MYO16: variants seen among roughly 807,000 people sequenced by gnomAD.
MYO16 encodes unconventional myosin-XVI.
In MYO16, 94 loss-of-function variants were observed where a neutral mutation model predicts 205.3. The ratio of observed to expected loss-of-function variants is 0.46; its 90% CI spans 0.39 to 0.54. MYO16 has a LOEUF of 0.54. MYO16 is among the 20% of genes least tolerant of loss of function. The probability of loss-of-function intolerance (pLI) is 0.00; values close to 1 mark genes in which losing one functional copy is unlikely to be tolerated. For synonymous variants in MYO16, 988 were observed against 954.0 expected, an observed-to-expected ratio of 1.04 and a Z score of -0.66; for missense variants, 2,315 against 2,387.5, an observed-to-expected ratio of 0.97 and a Z score of 0.63.
At chr13:108,799,811 C>T (rs183623272) in intron 6 of MYO16, among the ~76,000 whole-genome samples, 40 of 152,184 alleles carry the variant, frequency 2.6e-4, no homozygotes, top group Non-Finnish European at 4.7e-4. Context: ...ACTATTTTTC[C>T]TCTTGGCGCT....
chr13:108,781,284 G>A (rs1047696381), intron 4 of MYO16, among the ~76,000 whole-genome samples: 2 of 152,312 alleles, frequency 1.3e-5, no homozygotes, highest in African/African-American at 2.4e-5. Context: ...TTTAGCAGTC[G>A]ATATTTGAAC....
rs149484362 is a variant in MYO16, at chr13:108,976,022, AAG to A, written c.2369+11126_2369+11127del. ...CCCTTAACATTCCAGGAATCATGGT[AAG>A]AGAGAATATGCAATGTTTCTCAGTT... On this transcript the variant is annotated intron_variant, in intron 20 of 34. Transcript: ENST00000457511. 7.2e-5 allele frequency among the ~76,000 whole-genome samples: 11 copies of A among 152,312 alleles called. No homozygotes were observed. The East Asian group carries it at 1.5e-3, about 21-fold the overall frequency.
At chr13:108,787,358 G>C (rs1886489529) in intron 5 of MYO16, among the ~76,000 whole-genome samples, 1 of 152,102 alleles carries the variant, frequency 6.6e-6, no homozygotes, top group African/African-American at 2.4e-5. Flanking sequence ...TTTTTAAAAA[G>C]TACTTGACCA....
At chr13:108,716,960 T>C (rs1255639231) in intron 3 of MYO16, among the ~76,000 whole-genome samples, 1 of 152,162 alleles carries the variant, frequency 6.6e-6, no homozygotes. Context: ...ATATGGCAGG[T>C]ATCAGGTACT....
intron 2 of MYO16, among the ~76,000 whole-genome samples, chr13:108,710,951 A>G (rs939138105): frequency 2.0e-5 from 3 of 152,260 alleles, no homozygotes; most frequent in Non-Finnish European, 4.4e-5. Flanking sequence ...GCTGTCTATC[A>G]TCTGAGGAAA....
At chr13:108,615,827 T>C (rs779679810) in intron 1 of MYO16, among the ~76,000 whole-genome samples, 1 of 152,168 alleles carries the variant, frequency 6.6e-6, no homozygotes, top group Non-Finnish European at 1.5e-5. Context: ...AACTAGCTCA[T>C]CTACAACTGT....
intron 12 of MYO16, among the ~76,000 whole-genome samples, chr13:108,870,265 A>G (rs778189808): frequency 7.9e-5 from 12 of 151,942 alleles, no homozygotes; most frequent in Non-Finnish European, 7.4e-5. Flanking sequence ...TTGATGTTTT[A>G]TCCTTTTCTT....
At chr13:108,963,705 A>T (rs1182659387) in intron 19 of MYO16, among the ~76,000 whole-genome samples, 1 of 152,242 alleles carries the variant, frequency 6.6e-6, no homozygotes, top group Non-Finnish European at 1.5e-5. Context: ...CTCCAGCCAC[A>T]CTAAGCATCT....
intron 1 of MYO16, among the ~76,000 whole-genome samples, chr13:108,635,316 G>T (rs1880173502): frequency 6.6e-6 from 1 of 152,068 alleles, no homozygotes; most frequent in African/African-American, 2.4e-5. Flanking sequence ...TTCCTGTGGG[G>T]CTCTCCATTT....
intron 1 of MYO16, among the ~76,000 whole-genome samples, chr13:108,650,511 T>A (rs1205854302): frequency 1.3e-5 from 2 of 152,172 alleles, no homozygotes; most frequent in Admixed American, 1.3e-4. Context: ...ATTGAAGATG[T>A]TGATCAAAGA....
At chr13:108,636,879 A>T (rs1340465765) in intron 1 of MYO16, among the ~76,000 whole-genome samples, 2 of 152,202 alleles carry the variant, frequency 1.3e-5, no homozygotes, top group African/African-American at 4.8e-5. Flanking sequence ...ATCTTATATT[A>T]CTTTTACCCA....
intron 16 of MYO16, among the ~76,000 whole-genome samples, chr13:108,957,464 C>A (rs1016318080): frequency 5.3e-5 from 8 of 150,028 alleles, no homozygotes; most frequent in Non-Finnish European, 1.0e-4. Flanking sequence ...AAGATGAAAA[C>A]CGAGTAAAGC....
intron 16 of MYO16, among the ~76,000 whole-genome samples, chr13:108,942,265 C>T (rs1882762294): frequency 6.6e-6 from 1 of 152,190 alleles, no homozygotes; most frequent in Non-Finnish European, 1.5e-5. Context: ...ATTATTATTA[C>T]AAGCACATTT....
intron 22 of MYO16, among the ~76,000 whole-genome samples, chr13:109,018,399 C>T (rs565807602): frequency 2.2e-4 from 34 of 152,264 alleles, no homozygotes; most frequent in African/African-American, 7.9e-4. Flanking sequence ...AGGTGTCAGT[C>T]GGCCCCTACT....
chr13:109,005,260 T>A (rs1885351676), intron 21 of MYO16, among the ~76,000 whole-genome samples: 1 of 152,188 alleles, frequency 6.6e-6, no homozygotes, highest in African/African-American at 2.4e-5. Flanking sequence ...GATTTCATGT[T>A]GTAATAGAAT....
intron 9 of MYO16, among the ~76,000 whole-genome samples, chr13:108,827,707 T>C (rs1876350912): frequency 6.6e-6 from 1 of 152,316 alleles, no homozygotes; most frequent in Non-Finnish European, 1.5e-5. Flanking sequence ...TTCACTCTGC[T>C]CCTCAGTTCC....
chr13:108,649,211 A>T (rs1450200094), intron 1 of MYO16, among the ~76,000 whole-genome samples: 1 of 146,130 alleles, frequency 6.8e-6, no homozygotes, highest in Non-Finnish European at 1.5e-5. Context: ...GTCCCCTAAA[A>T]CTTAAAGTAT....
chr13:108,737,372 CT>C (rs1294318137), intron 4 of MYO16, among the ~76,000 whole-genome samples: 1 of 152,024 alleles, frequency 6.6e-6, no homozygotes, highest in Non-Finnish European at 1.5e-5. Context: ...TTTCAAAGGC[CT>C]TTTCTGCATC....
chr13:109,055,675 G>C lies in MYO16; in HGVS notation c.3335+80G>C. On this transcript the variant is annotated intron_variant, in intron 27 of 34. Transcript: ENST00000457511. The surrounding 1 kb of genome is among the most constrained non-coding windows in gnomAD (Gnocchi z 5.0). ...CTGACACTGACACTATTGTAGCAAG[G>C]GTCTTCTGTTGTCTTTTTTGGCACT... 7.7e-7 allele frequency: 1 copy of C among 1,290,392 alleles called. No individual in the cohort carries two copies. The highest frequency in any genetic ancestry group is 1.9e-5 in the Admixed American group (1 of 52,108). The allele number at this position is 1,290,392 out of a possible 1,614,324, so 79.9% of individuals were successfully genotyped here.
Sources: allele counts gnomAD v4.1 joint callset (sites outside exome capture counted in the v4.1 genomes callset), GRCh38; gene constraint gnomAD v4.1.1; non-coding constraint Gnocchi (gnomAD v3.1); transcripts MANE v1.5; gene names NCBI Gene and HGNC (gene_info 2026-07-23, HGNC 2026-07-21).